The following AP4S1 variants were observed in gnomAD, a reference collection of about 807,000 sequenced individuals.
AP4S1 encodes the protein adaptor related protein complex 4 subunit sigma 1.
Under a neutral mutation model 19.8 loss-of-function variants are expected in AP4S1, and 23 were observed. That is an observed-to-expected ratio of 1.16 (90% confidence interval 0.84 to 1.65). The LOEUF is 1.65. Among genes scored for constraint, AP4S1 ranks in the 40% most tolerant of loss-of-function variants. The probability of loss-of-function intolerance (pLI) is 0.00; values close to 1 mark genes in which losing one functional copy is unlikely to be tolerated. For missense variants in AP4S1, 166 were observed against 172.8 expected (o/e 0.96, Z 0.22); for synonymous variants, 46 against 54.1 (o/e 0.85, Z 0.66).
chr14:31,037,972 T>G (rs533948999), intron 1 of AP4S1, among the ~76,000 whole-genome samples: 2 of 152,116 alleles, frequency 1.3e-5, no homozygotes, highest in Non-Finnish European at 2.9e-5. Flanking sequence ...AAAGCAAAAT[T>G]CATATTTAGC....
intron 1 of AP4S1, among the ~76,000 whole-genome samples, chr14:31,042,322 A>G (rs1345378101): frequency 1.3e-5 from 2 of 152,204 alleles, no homozygotes; most frequent in African/African-American, 4.8e-5. Context: ...ATGATGATCC[A>G]AGTTACTTTT....
At chr14:31,026,311 T>G in intron 1 of AP4S1, 1 of 1,051,626 alleles carries the variant, frequency 9.5e-7, no homozygotes, top group Non-Finnish European at 1.3e-6. Context: ...AAGGGGTCGT[T>G]GCTGTGTGCC....
intron 1 of AP4S1, among the ~76,000 whole-genome samples, chr14:31,040,446 T>C (rs1885045903): frequency 6.6e-6 from 1 of 152,220 alleles, no homozygotes; most frequent in East Asian, 1.9e-4. Context: ...GTAAATTAAA[T>C]TTTAATTCTA....
chr14:31,067,738 C>T (rs868410696), intron 2 of AP4S1, among the ~76,000 whole-genome samples: 11 of 150,174 alleles, frequency 7.3e-5, no homozygotes, highest in Middle Eastern at 3.6e-3. Context: ...AGGCTGGTCT[C>T]GAACTCCTGA....
intron 1 of AP4S1, among the ~76,000 whole-genome samples, chr14:31,056,606 G>A (rs1185179265): frequency 2.0e-5 from 3 of 152,082 alleles, no homozygotes; most frequent in Non-Finnish European, 4.4e-5. Context: ...TTATCCGCCC[G>A]CCTTGGCCTT....
rs1195403333 is a variant in AP4S1, at chr14:31,049,434, T to A, written c.-71-16692T>A. 5.8e-3 allele frequency among the ~76,000 whole-genome samples: 256 copies of A among 44,282 alleles called. 1 individual carries two copies. The highest frequency in any genetic ancestry group is 0.012 in the South Asian group (12 of 984). 29.1% of individuals were successfully genotyped at this position (44,282 alleles called of 152,430 possible). On this transcript the variant is annotated intron_variant, in intron 1 of 5. Transcript: ENST00000542754. Reference sequence around the variant, plus strand: ...GTCTCAAAAAAAAAAAAAAAATATATATATATATATATATATATATATATA... The same window carrying A: ...GTCTCAAAAAAAAAAAAAAAATATAAATATATATATATATATATATATATA...
intron 5 of AP4S1, 194 bp downstream of exon 5, chr14:31,080,778 C>T (rs1376385479): frequency 6.6e-6 from 5 of 763,082 alleles, no homozygotes; most frequent in East Asian, 5.1e-5. Context: ...TTCAACAAGG[C>T]GATTCTTTTT....
At position 31,094,871 on chromosome 14, in the gene AP4S1, C is replaced by G. The variant is rs1888161909; in HGVS notation, c.*1836C>G. On this transcript the variant is annotated 3_prime_UTR_variant, in exon 6 of 6. Coordinates refer to ENST00000542754, the MANE Select transcript of AP4S1 (RefSeq NM_001128126.3). ...CTCTACTAAAAATACAAAAAGTTAG[C>G]CAGGCATGGTGGCAAGCACCTCTAA... The G allele has an allele frequency of 6.6e-6, 1 of 152,150 alleles. No individual in the cohort carries two copies. Among genetic ancestry groups the G allele is most frequent in the Non-Finnish European group, 1.5e-5 (1 of 68,068 alleles). 9.4% of individuals were successfully genotyped at this position (152,150 alleles called of 1,614,324 possible).
chr14:31,049,022 G>A (rs979628124), intron 1 of AP4S1, among the ~76,000 whole-genome samples: 1 of 151,954 alleles, frequency 6.6e-6, no homozygotes, highest in African/African-American at 2.4e-5. Flanking sequence ...GGGAGGCAGG[G>A]CAGATCACCC....
chr14:31,088,223 G>A (rs548289470), intron 5 of AP4S1, among the ~76,000 whole-genome samples: 9 of 152,230 alleles, frequency 5.9e-5, no homozygotes, highest in South Asian at 2.1e-4. Flanking sequence ...TCAGGAGCCC[G>A]CTAGGTGCCA....
chr14:31,048,646 G>A (rs1467280307), intron 1 of AP4S1, among the ~76,000 whole-genome samples: 1 of 152,044 alleles, frequency 6.6e-6, no homozygotes, highest in African/African-American at 2.4e-5. Context: ...GGCTGAGGGA[G>A]GAGAATCACA....
At chr14:31,031,970 G>A (rs1347114167) in intron 1 of AP4S1, among the ~76,000 whole-genome samples, 2 of 151,810 alleles carry the variant, frequency 1.3e-5, no homozygotes, top group African/African-American at 4.8e-5. Flanking sequence ...GGTGGCAGGT[G>A]CCTGTAGTCC....
intron 5 of AP4S1, among the ~76,000 whole-genome samples, chr14:31,080,828 C>T (rs1887600016): frequency 6.6e-6 from 1 of 152,166 alleles, no homozygotes; most frequent in African/African-American, 2.4e-5. Flanking sequence ...CTTGCCCAGG[C>T]TGGAGTGCAA....
At chr14:31,078,191 A>G (rs1421717225) in intron 4 of AP4S1, among the ~76,000 whole-genome samples, 2 of 152,194 alleles carry the variant, frequency 1.3e-5, no homozygotes, top group African/African-American at 2.4e-5. Context: ...GACAGAGGAC[A>G]TGGAGACTGG....
At chr14:31,025,532 CAA>C, upstream of AP4S1, 2 of 263,810 alleles carry the variant, frequency 7.6e-6, no homozygotes, top group Non-Finnish European at 1.5e-5. Flanking sequence ...GAGGAACAAA[CAA>C]GAGCAAACTC....
rs1025274503 is a variant in AP4S1, at chr14:31,096,278, T to C, written c.*3243T>C. The stretch of plus-strand genomic sequence containing the variant: ...CCAAAACCTTTCTATATGCTTTTGC[T>C]ACCCCGTTAACAGAAGAATATACAG... On this transcript the variant is annotated 3_prime_UTR_variant, in exon 6 of 6. Transcript: ENST00000542754. The C allele has an allele frequency of 6.6e-5, 10 of 152,104 alleles. No individual in the cohort carries two copies. Among genetic ancestry groups the C allele is most frequent in the Non-Finnish European group, 1.2e-4 (8 of 68,036 alleles). The allele number at this position is 152,104 out of a possible 1,614,324, so 9.4% of individuals were successfully genotyped here.
intron 1 of AP4S1, among the ~76,000 whole-genome samples, chr14:31,049,428 A>AAAAAAAAAATATATATATAT (rs1384450221): frequency 1.7e-5 from 1 of 57,744 alleles, no homozygotes; most frequent in Non-Finnish European, 2.9e-5. Flanking sequence ...AAAAAAAAAA[A>AAAAAAAAAATATATATATAT]ATATATATAT....
intron 5 of AP4S1, among the ~76,000 whole-genome samples, chr14:31,089,230 T>C (rs1390280554): frequency 1.3e-5 from 2 of 151,904 alleles, no homozygotes; most frequent in Admixed American, 6.6e-5. Context: ...TCCAGGACTA[T>C]GCAGAATCTT....
At chr14:31,084,062 AGCTCCCTTAG>A (rs1887800349) in intron 5 of AP4S1, among the ~76,000 whole-genome samples, 1 of 152,214 alleles carries the variant, frequency 6.6e-6, no homozygotes. Flanking sequence ...CTGCCAGGAA[AGCTCCCTTAG>A]GCCTTAAAAG....
Sources: allele counts gnomAD v4.1 joint callset (sites outside exome capture counted in the v4.1 genomes callset), GRCh38; gene constraint gnomAD v4.1.1; transcripts MANE v1.5; gene names NCBI Gene and HGNC (gene_info 2026-07-23, HGNC 2026-07-21).